The following SPATA31G1 variants were observed in gnomAD, a reference collection of about 807,000 sequenced individuals.
SPATA31G1 encodes spermatogenesis-associated protein 31G1.
At chr9:35,045,599 A>C in the SPATA31G1 span, 3 of 1,614,120 alleles carry the variant, frequency 1.9e-6, no homozygotes, top group Non-Finnish European at 2.5e-6. Context: ...CATTTCCCCA[A>C]AGGTCTCAAC....
the SPATA31G1 span, chr9:35,044,578 ACT>A: frequency 6.2e-7 from 1 of 1,614,060 alleles, no homozygotes; most frequent in Admixed American, 1.7e-5. Flanking sequence ...CCATCCTCAA[ACT>A]CTGTTTCAAA....
the SPATA31G1 span, chr9:35,044,301 C>A: frequency 6.2e-7 from 1 of 1,614,168 alleles, no homozygotes; most frequent in East Asian, 2.2e-5. Flanking sequence ...TTCTAGGTCT[C>A]CATCTCTGGC....
the SPATA31G1 span, chr9:35,042,558 G>A: frequency 1.9e-6 from 3 of 1,603,176 alleles, no homozygotes; most frequent in Non-Finnish European, 2.6e-6. Flanking sequence ...GTATGAATGT[G>A]GGCCCAGGTG....
chr9:35,044,310 GC>G, the SPATA31G1 span: 3 of 1,613,980 alleles, frequency 1.9e-6, no homozygotes, highest in African/African-American at 4.0e-5. Flanking sequence ...TCCATCTCTG[GC>G]CCTCAGCCCA....
chr9:35,045,510 G>C, the SPATA31G1 span: 1 of 1,614,132 alleles, frequency 6.2e-7, no homozygotes, highest in South Asian at 1.1e-5. Flanking sequence ...AAGAGGGACT[G>C]CAAGGTTGGG....
At chr9:35,044,401 T>C in the SPATA31G1 span, 23,009 of 1,614,008 alleles carry the variant, frequency 0.014, 232 homozygotes, top group Middle Eastern at 0.036. Context: ...TGTGGGGACA[T>C]ACAAAAGACA....
At chr9:35,042,990 T>G in the SPATA31G1 span, 1 of 1,614,054 alleles carries the variant, frequency 6.2e-7, no homozygotes, top group Admixed American at 1.7e-5. Context: ...GAAGCCATGT[T>G]CTCCTACCAA....
chr9:35,042,195 A>T, the SPATA31G1 span: 1 of 1,570,108 alleles, frequency 6.4e-7, no homozygotes, highest in Non-Finnish European at 8.7e-7. Context: ...GGGGGATGGG[A>T]GTTCTTTGTT....
At chr9:35,045,634 C>G in the SPATA31G1 span, 2 of 1,614,240 alleles carry the variant, frequency 1.2e-6, no homozygotes, top group Non-Finnish European at 1.7e-6. Flanking sequence ...TCTCAACACA[C>G]TGCTCTTCCC....
chr9:35,043,119 T>G, the SPATA31G1 span: 1 of 1,614,132 alleles, frequency 6.2e-7, no homozygotes, highest in Non-Finnish European at 8.5e-7. Context: ...CGTGAGCCCT[T>G]CCAGATCCTT....
the SPATA31G1 span, chr9:35,042,126 A>G: frequency 9.3e-6 from 13 of 1,404,490 alleles, no homozygotes; most frequent in Non-Finnish European, 1.1e-5. Flanking sequence ...ATTGCCTGAT[A>G]GAGGAAATTT....
the SPATA31G1 span, chr9:35,045,049 A>T: frequency 6.2e-7 from 1 of 1,614,166 alleles, no homozygotes; most frequent in Non-Finnish European, 8.5e-7. Flanking sequence ...GGCCCAAGTC[A>T]ATCATTTTGC....
the SPATA31G1 span, chr9:35,042,823 A>G: frequency 6.3e-7 from 1 of 1,586,028 alleles, no homozygotes; most frequent in Admixed American, 1.8e-5. Context: ...GTATCTGAAA[A>G]GGCTTCATGC....
the SPATA31G1 span, chr9:35,043,569 C>CT: frequency 6.2e-7 from 1 of 1,614,162 alleles, no homozygotes; most frequent in Non-Finnish European, 8.5e-7. Flanking sequence ...AACTAGCCCC[C>CT]TGGAAGTTCT....
the SPATA31G1 span, chr9:35,045,149 C>T: frequency 9.3e-6 from 15 of 1,614,134 alleles, no homozygotes; most frequent in Middle Eastern, 1.6e-4. Context: ...ATCCATGCCC[C>T]CACTCTTCAA....
chr9:35,044,669 C>A, the SPATA31G1 span: 1 of 1,614,208 alleles, frequency 6.2e-7, no homozygotes, highest in South Asian at 1.1e-5. Context: ...GAAAGAACCA[C>A]TGGGCCACTG....
At chr9:35,043,999 A>G in the SPATA31G1 span, 1 of 1,613,088 alleles carries the variant, frequency 6.2e-7, no homozygotes. Context: ...AAGGGCATGC[A>G]AAGTAGAGAA....
At chr9:35,044,505 A>G in the SPATA31G1 span, 3 of 1,613,956 alleles carry the variant, frequency 1.9e-6, no homozygotes, top group East Asian at 4.5e-5. Context: ...TTCTCAGTCT[A>G]TTGTAGGGGA....
chr9:35,043,911 T>G, the SPATA31G1 span: 2 of 1,613,854 alleles, frequency 1.2e-6, no homozygotes, highest in Non-Finnish European at 1.7e-6. Flanking sequence ...GGCTTTTGAG[T>G]CTCCAGTCTT....
Sources: allele counts gnomAD v4.1 joint callset, GRCh38; gene constraint gnomAD v4.1.1; transcripts MANE v1.5; gene names NCBI Gene and HGNC (gene_info 2026-07-23, HGNC 2026-07-21).